IQCM: variants seen among roughly 807,000 people sequenced by gnomAD.
IQCM encodes IQ domain-containing protein M.
IQCM carries 45 observed loss-of-function variants against 57.6 expected under a neutral mutation model. The observed-to-expected ratio is 0.78, with a 90% confidence interval of 0.62 to 1.00. The LOEUF is 1.00. Ranked by LOEUF, IQCM falls within the 50% of genes least tolerant of loss-of-function variation. IQCM has a pLI of 0.00. For missense variants in IQCM, 468 were observed against 511.6 expected (o/e 0.91, Z 0.82); for synonymous variants, 148 against 158.9 (o/e 0.93, Z 0.51).
Position 149,592,620 on chromosome 4 carries a change from G to A in IQCM, c.682-4623C>T, listed in dbSNP as rs569507036. ...AACATTTAAGTCTTTAATCCATCTTGAATTAATTTTTGTATAAGGTGTAAG... is the reference window on the plus strand; with the variant it reads ...AACATTTAAGTCTTTAATCCATCTTAAATTAATTTTTGTATAAGGTGTAAG... On this transcript the variant is annotated intron_variant, in intron 8 of 13. Coordinates refer to ENST00000636793, the MANE Select transcript of IQCM (RefSeq NM_001363507.2). 5.8e-4 allele frequency among the ~76,000 whole-genome samples: 88 copies of A among 151,622 alleles called. 3 individuals carry two copies. The highest frequency in any genetic ancestry group is 2.0e-3 in the African/African-American group (82 of 41,432).
intron 12 of IQCM, among the ~76,000 whole-genome samples, chr4:149,492,214 C>T (rs142711086): frequency 1.5e-4 from 23 of 152,132 alleles, no homozygotes; most frequent in African/African-American, 5.5e-4. Context: ...TTTCTCTTTA[C>T]AGTGACTGCA....
At chr4:149,582,086 T>C (rs1325801858) in intron 9 of IQCM, among the ~76,000 whole-genome samples, 3 of 151,102 alleles carry the variant, frequency 2.0e-5, no homozygotes, top group Non-Finnish European at 4.4e-5. Context: ...GCTACCCATT[T>C]TCCTTGCCAC....
chr4:149,469,268 G>A (rs1467243757), intron 12 of IQCM, among the ~76,000 whole-genome samples: 2 of 152,148 alleles, frequency 1.3e-5, no homozygotes, highest in Admixed American at 6.5e-5. Context: ...ACAGTGTGGA[G>A]AAGTCCTTAA....
intron 5 of IQCM, among the ~76,000 whole-genome samples, chr4:149,702,351 G>C (rs1002252319): frequency 3.3e-5 from 5 of 150,158 alleles, no homozygotes; most frequent in Admixed American, 6.7e-5. Context: ...ATTGGCATTT[G>C]ACCACCTAAA....
chr4:149,418,193 G>C (rs1336440927), intron 13 of IQCM, among the ~76,000 whole-genome samples: 1 of 150,770 alleles, frequency 6.6e-6, no homozygotes, highest in Non-Finnish European at 1.5e-5. Flanking sequence ...TAATAAAACA[G>C]ACCACTAGCT....
Position 149,656,234 on chromosome 4 carries a change from A to G in IQCM, c.565+25884T>C, listed in dbSNP as rs114463221. Reference sequence around the variant, plus strand: ...AAAAATGAGTTTATTCTATTATTTTATTATAAACATCTACACTTCAATTAA... The same window carrying G: ...AAAAATGAGTTTATTCTATTATTTTGTTATAAACATCTACACTTCAATTAA... On this transcript the variant is annotated intron_variant, in intron 7 of 13. Coordinates refer to ENST00000636793, the MANE Select transcript of IQCM (RefSeq NM_001363507.2). Among the ~76,000 whole-genome samples the G allele has an allele frequency of 8.7e-3, 1,332 of 152,252 alleles. 25 individuals carry two copies. The highest frequency in any genetic ancestry group is 0.03 in the African/African-American group (1,242 of 41,564).
At chr4:149,745,102 T>C (rs1397806652) in intron 2 of IQCM, among the ~76,000 whole-genome samples, 1 of 152,132 alleles carries the variant, frequency 6.6e-6, no homozygotes, top group Non-Finnish European at 1.5e-5. Flanking sequence ...TGGTACTGAA[T>C]ACCAGTCCTG....
intron 12 of IQCM, among the ~76,000 whole-genome samples, chr4:149,459,696 CTG>C (rs1738068029): frequency 6.6e-6 from 1 of 152,118 alleles, no homozygotes. Flanking sequence ...CAGAATCTGT[CTG>C]TGATTGGCTT....
In IQCM at chr4:149,567,395, G is replaced by A. The variant is rs1050212849; in HGVS notation, c.750-3505C>T. 8.6e-5 allele frequency among the ~76,000 whole-genome samples: 13 copies of A among 151,658 alleles called. No individual in the cohort carries two copies. The East Asian group carries it at 1.9e-3, about 23-fold the overall frequency. ...AGAGTCTCACTCTGTCACCCAGGCC[G>A]GAGTGCAGCAGTGCGATCTACTCTC... On this transcript the variant is annotated intron_variant, in intron 9 of 13. Transcript: ENST00000636793.
At chr4:149,630,418 C>T (rs1216085473) in intron 7 of IQCM, among the ~76,000 whole-genome samples, 2 of 152,054 alleles carry the variant, frequency 1.3e-5, no homozygotes, top group African/African-American at 4.8e-5. Context: ...TTACAGATAA[C>T]AGTGAAGTAT....
chr4:149,379,219 T>C (rs1308405477), intron 13 of IQCM, among the ~76,000 whole-genome samples: 1 of 152,102 alleles, frequency 6.6e-6, no homozygotes, highest in Non-Finnish European at 1.5e-5. Context: ...AGTAGGGAAA[T>C]GTGGGGTGGG....
intron 12 of IQCM, among the ~76,000 whole-genome samples, chr4:149,540,785 C>A (rs1747777902): frequency 6.6e-6 from 1 of 152,090 alleles, no homozygotes; most frequent in South Asian, 2.1e-4. Flanking sequence ...CTATTCTGAT[C>A]CCTAGTCAGG....
chr4:149,745,623 G>A lies in IQCM; in HGVS notation c.-48-2884C>T, dbSNP rs973727428. Among the ~76,000 whole-genome samples the A allele has an allele frequency of 3.3e-4, 50 of 152,136 alleles. 1 individual carries two copies. The highest frequency in any genetic ancestry group is 1.2e-3 in the African/African-American group (49 of 41,420). ...CATGGATGAAAGACAAACAGAAGTAGAAACTATTTCCCTACCTTATCTTCT... is the reference window on the plus strand; with the variant it reads ...CATGGATGAAAGACAAACAGAAGTAAAAACTATTTCCCTACCTTATCTTCT... On this transcript the variant is annotated intron_variant, in intron 2 of 13. Coordinates refer to ENST00000636793, the MANE Select transcript of IQCM (RefSeq NM_001363507.2).
At chr4:149,387,228 G>A (rs1731490278) in intron 13 of IQCM, among the ~76,000 whole-genome samples, 1 of 151,940 alleles carries the variant, frequency 6.6e-6, no homozygotes, top group Admixed American at 6.6e-5. Context: ...GATGGAAGGG[G>A]CAAACAAGCT....
At chr4:149,583,161 G>C (rs759302531) in intron 9 of IQCM, among the ~76,000 whole-genome samples, 2 of 151,300 alleles carry the variant, frequency 1.3e-5, no homozygotes, top group Non-Finnish European at 3.0e-5. Flanking sequence ...CTACAAAATA[G>C]GAAGAAGGAA....
At chr4:149,758,554 G>A (rs1769205506) in intron 2 of IQCM, among the ~76,000 whole-genome samples, 1 of 152,034 alleles carries the variant, frequency 6.6e-6, no homozygotes, top group South Asian at 2.1e-4. Flanking sequence ...CCACAGACTG[G>A]GAGAAACTAC....
At chr4:149,509,012 CT>C (rs1270342358) in intron 12 of IQCM, among the ~76,000 whole-genome samples, 3 of 152,242 alleles carry the variant, frequency 2.0e-5, no homozygotes, top group Admixed American at 2.0e-4. Flanking sequence ...TGAGATGTGC[CT>C]TTTACCTTCT....
chr4:149,725,629 T>G (rs948844736), intron 5 of IQCM, among the ~76,000 whole-genome samples: 2 of 152,004 alleles, frequency 1.3e-5, no homozygotes, highest in African/African-American at 4.8e-5. Context: ...CCTCTTACAT[T>G]GTCCACCCCC....
intron 7 of IQCM, among the ~76,000 whole-genome samples, chr4:149,637,161 A>AG (rs1216328490): frequency 6.7e-6 from 1 of 149,726 alleles, no homozygotes; most frequent in African/African-American, 2.4e-5. Flanking sequence ...AAAAAAAAAA[A>AG]GAAAAAAAAA....
Sources: gnomAD v4.1 joint callset for allele counts (sites outside exome capture counted in the v4.1 genomes callset) on GRCh38, gnomAD v4.1.1 for gene constraint, MANE v1.5 for transcripts, NCBI Gene and HGNC (gene_info 2026-07-23, HGNC 2026-07-21) for gene names.